Variants in ERG observed in about 807,000 individuals in gnomAD.
The protein encoded by ERG is transcriptional regulator ERG.
A neutral mutation model predicts 55.3 loss-of-function variants in ERG; 9 were observed. That is an observed-to-expected ratio of 0.16 (90% CI 0.10 to 0.28). ERG has a LOEUF of 0.28. Ranked by LOEUF, ERG falls within the 10% of genes least tolerant of loss-of-function variation. The pLI, the probability that ERG is intolerant of heterozygous loss-of-function variation, is 1.00. For synonymous variants in ERG, 223 were observed against 237.3 expected (o/e 0.94, Z 0.55); for missense variants, 434 against 631.6 (o/e 0.69, Z 3.35).
chr21:38,573,710 T>C (rs9974388), intron 2 of ERG, among the ~76,000 whole-genome samples: 17,899 of 152,254 alleles, frequency 0.12, 1,258 homozygotes, highest in South Asian at 0.17. Context: ...CAATTAAAAC[T>C]GAGGGAACTC....
chr21:38,376,180 T>C (rs1987236792), downstream of ERG, among the ~76,000 whole-genome samples: 1 of 152,180 alleles, frequency 6.6e-6, no homozygotes, highest in African/African-American at 2.4e-5. Context: ...CACTTTAAAA[T>C]GCCCTATGTC....
chr21:38,526,617 ATAATT>A (rs1356713680), intron 2 of ERG, among the ~76,000 whole-genome samples: 1 of 152,194 alleles, frequency 6.6e-6, no homozygotes, highest in African/African-American at 2.4e-5. Context: ...ATAAATGCAC[ATAATT>A]TAATTAAAAT....
chr21:38,433,864 C>A (rs1990337698), intron 2 of ERG, among the ~76,000 whole-genome samples: 1 of 152,190 alleles, frequency 6.6e-6, no homozygotes, highest in Non-Finnish European at 1.5e-5. Flanking sequence ...GGCAAACCCG[C>A]TAATCCTGTC....
chr21:38,403,820 C>A, intron 3 of ERG, 111 bp from the exon 4 acceptor site: 1 of 1,013,240 alleles, frequency 9.9e-7, no homozygotes, highest in South Asian at 1.4e-5. Flanking sequence ...ACAAGCACAG[C>A]CTCCAGCCAG....
chr21:38,528,914 C>T (rs190911915), intron 2 of ERG, among the ~76,000 whole-genome samples: 2 of 152,020 alleles, frequency 1.3e-5, no homozygotes, highest in Non-Finnish European at 2.9e-5. Flanking sequence ...GATACTATGT[C>T]TGCATTTCCA....
chr21:38,415,557 A>T (rs562039762), intron 3 of ERG, among the ~76,000 whole-genome samples: 1 of 152,322 alleles, frequency 6.6e-6, no homozygotes, highest in East Asian at 1.9e-4. Flanking sequence ...TTAAAGAAGC[A>T]TGTCCCATCA....
intron 1 of ERG, among the ~76,000 whole-genome samples, chr21:38,611,960 T>C (rs940072428): frequency 1.1e-4 from 16 of 152,240 alleles, no homozygotes; most frequent in African/African-American, 3.9e-4. Context: ...GTGAAGCTCC[T>C]TTCCTGAGTC....
At chr21:38,631,614 T>C (rs1015504104) in intron 1 of ERG, among the ~76,000 whole-genome samples, 5 of 152,196 alleles carry the variant, frequency 3.3e-5, no homozygotes, top group African/African-American at 9.7e-5. Context: ...ATAAAATCCA[T>C]GTAATCCTCT....
intron 1 of ERG, among the ~76,000 whole-genome samples, chr21:38,633,214 C>G (rs571406125): frequency 6.6e-6 from 1 of 152,266 alleles, no homozygotes; most frequent in South Asian, 2.1e-4. Flanking sequence ...TGGGTTACCA[C>G]AGGCTGGAGA....
At chr21:38,544,457 G>C (rs1045768438) in intron 2 of ERG, among the ~76,000 whole-genome samples, 1 of 152,174 alleles carries the variant, frequency 6.6e-6, no homozygotes, top group African/African-American at 2.4e-5. Flanking sequence ...CAGAAAGAGA[G>C]CAGTGGAGCT....
intron 1 of ERG, among the ~76,000 whole-genome samples, chr21:38,483,215 A>G (rs77367349): frequency 0.017 from 2,589 of 152,310 alleles, 69 homozygotes; most frequent in East Asian, 0.13. Context: ...AACGTACACC[A>G]TAAGGGATAT....
chr21:38,498,577 G>A (rs1251855939), upstream of ERG: 1 of 1,125,466 alleles, frequency 8.9e-7, no homozygotes, highest in African/African-American at 1.6e-5. This position sits in a 1 kb window ranked among gnomAD's most constrained non-coding sequence, Gnocchi z 4.6. Context: ...ATTTGGGAGT[G>A]GAGAGATAAG....
At chr21:38,368,240 T>G in the ERG span, among the ~76,000 whole-genome samples, 1 of 152,162 alleles carries the variant, frequency 6.6e-6, no homozygotes, top group Non-Finnish European at 1.5e-5. Context: ...TTCCTCGTTT[T>G]TTTGTTTGTT....
chr21:38,651,155 T>G (rs1176304453), intron 1 of ERG, among the ~76,000 whole-genome samples: 1 of 152,238 alleles, frequency 6.6e-6, no homozygotes, highest in Non-Finnish European at 1.5e-5. Flanking sequence ...TTTAAAAGCA[T>G]GAAGTGACTC....
chr21:38,585,251 C>T (rs1266677303), upstream of ERG, among the ~76,000 whole-genome samples: 6 of 152,078 alleles, frequency 3.9e-5, no homozygotes, highest in South Asian at 1.2e-3. Context: ...CCTTATAGCC[C>T]CCAGCTTTGG....
In ERG at chr21:38,380,139, T is replaced by C; in HGVS notation, c.*3264A>G. 9.6e-7 allele frequency: 1 copy of C among 1,036,462 alleles called. No individual in the cohort carries two copies. The highest frequency in any genetic ancestry group is 4.6e-5 in the South Asian group (1 of 21,720). 64.2% of individuals were successfully genotyped at this position (1,036,462 alleles called of 1,614,324 possible). A position where few individuals can be genotyped will look rare whatever the true frequency, so the allele number is the denominator to read the frequency against. On this transcript the variant is annotated 3_prime_UTR_variant, in exon 10 of 10. Coordinates refer to ENST00000288319, the MANE Select transcript of ERG (RefSeq NM_182918.4). Reference sequence around the variant, plus strand: ...AAATAAACTAGCTTTTTAAAAAATATTTTCTTCTCTTTCTCCAGGCAATGG... The same window carrying C: ...AAATAAACTAGCTTTTTAAAAAATACTTTCTTCTCTTTCTCCAGGCAATGG...
intron 1 of ERG, chr21:38,449,155 G>C (rs538248896): frequency 6.6e-6 from 1 of 152,168 alleles, no homozygotes; most frequent in Non-Finnish European, 1.5e-5. Flanking sequence ...TATTTTAAAC[G>C]TCAAAATCTG....
At chr21:38,516,645 C>A (rs1035332311) in intron 2 of ERG, among the ~76,000 whole-genome samples, 1 of 151,752 alleles carries the variant, frequency 6.6e-6, no homozygotes, top group Non-Finnish European at 1.5e-5. Flanking sequence ...CAAAAAGGAG[C>A]CTGAATAGCT....
At chr21:38,623,960 G>C (rs759064750) in intron 1 of ERG, among the ~76,000 whole-genome samples, 4 of 152,148 alleles carry the variant, frequency 2.6e-5, no homozygotes, top group Non-Finnish European at 5.9e-5. Flanking sequence ...AAAGATCCCA[G>C]AGTTACAGTA....
Sources: allele counts gnomAD v4.1 joint callset (sites outside exome capture counted in the v4.1 genomes callset), GRCh38; gene constraint gnomAD v4.1.1; non-coding constraint Gnocchi (gnomAD v3.1); transcripts MANE v1.5; gene names NCBI Gene and HGNC (gene_info 2026-07-23, HGNC 2026-07-21).